RNF145: variants seen among roughly 807,000 people sequenced by gnomAD.
RNF145 encodes ring finger protein 145.
RNF145 carries 12 observed loss-of-function variants against 57.3 expected under a neutral mutation model. That is an observed-to-expected ratio of 0.21 (90% CI 0.13 to 0.34). The LOEUF (loss-of-function observed/expected upper bound fraction) is 0.34. Ranked by LOEUF, RNF145 falls within the 10% of genes least tolerant of loss-of-function variation. The pLI is 1.00. For synonymous variants in RNF145, 262 were observed against 288.3 expected (o/e 0.91, Z 0.92); for missense variants, 429 against 799.0 (o/e 0.54, Z 5.58).
Position 159,191,130 on chromosome 5 carries a change from G to C in RNF145, c.293+3586C>G, listed in dbSNP as rs1347749468. 4.0e-5 allele frequency among the ~76,000 whole-genome samples: 6 copies of C among 150,414 alleles called. No individual in the cohort carries two copies. In the East Asian group the frequency reaches 1.2e-3, roughly 29 times the overall value. ...TATCTCATGTTTTAAGAAAGTTCAC[G>C]AATTTTTGTTGGGCTGCATTCAAAG... is the stretch of plus-strand genomic sequence containing the variant. On this transcript the variant is annotated intron_variant, in intron 3 of 10. Coordinates refer to ENST00000424310, the MANE Select transcript of RNF145 (RefSeq NM_001199383.2).
Position 159,194,703 on chromosome 5 carries a change from G to A in RNF145, c.293+13C>T. Reference sequence around the variant, plus strand: ...TTCAATCATACATTTCAAAAATGGGGTCATATTCTTACCTGGAAATTTGAT... The same window carrying A: ...TTCAATCATACATTTCAAAAATGGGATCATATTCTTACCTGGAAATTTGAT... On this transcript the variant is annotated intron_variant, in intron 3 of 10. Coordinates refer to ENST00000424310, the MANE Select transcript of RNF145 (RefSeq NM_001199383.2). The A allele has an allele frequency of 2.0e-6, 3 of 1,466,356 alleles. No individual in the cohort carries two copies. Among genetic ancestry groups the A allele is most frequent in the South Asian group, 2.3e-5 (2 of 85,992 alleles). The allele number at this position is 1,466,356 out of a possible 1,614,324, so 90.8% of individuals were successfully genotyped here. A position where few individuals can be genotyped will look rare whatever the true frequency, so the allele number is the denominator to read the frequency against.
At chr5:159,187,650 G>C (rs1284198059) in intron 3 of RNF145, among the ~76,000 whole-genome samples, 1 of 152,104 alleles carries the variant, frequency 6.6e-6, no homozygotes, top group Non-Finnish European at 1.5e-5. Context: ...TCTTAACTGA[G>C]GACAGTTTTG....
chr5:159,162,181 C>G (rs1183865021), intron 9 of RNF145, among the ~76,000 whole-genome samples: 1 of 152,156 alleles, frequency 6.6e-6, no homozygotes, highest in Non-Finnish European at 1.5e-5. Context: ...GTGCAATACA[C>G]ACACATCATA....
rs1491155578 is a variant in RNF145 at position 159,159,047 on chromosome 5, GGA to G, written c.1627-14_1627-13del. ...GCAGATTTCATGTCCTAAAAGAGGG[GGA>G]AAAAAGATACCTTATAAATGTCTGT... is the stretch of plus-strand genomic sequence containing the variant. On this transcript the variant is annotated splice_polypyrimidine_tract_variant and intron_variant, in intron 10 of 10. Coordinates refer to ENST00000424310, the MANE Select transcript of RNF145 (RefSeq NM_001199383.2). The G allele has an allele frequency of 5.6e-6, 9 of 1,593,144 alleles. No individual in the cohort carries two copies. Among genetic ancestry groups the G allele is most frequent in the African/African-American group, 1.4e-5 (1 of 73,486 alleles).
intron 8 of RNF145, among the ~76,000 whole-genome samples, chr5:159,166,455 T>C (rs1784396287): frequency 6.6e-6 from 1 of 152,252 alleles, no homozygotes; most frequent in Non-Finnish European, 1.5e-5. Context: ...AATCTTTTCC[T>C]ACTCAAAAAT....
rs757852621 is a variant in RNF145, at chr5:159,207,943, T to C, written c.-40+1288A>G. 8 of 1,605,910 alleles carry C rather than the reference T, an allele frequency of 5.0e-6. No homozygotes were observed. In the East Asian group the frequency reaches 1.6e-4, roughly 31 times the overall value. On this transcript the variant is annotated intron_variant, in intron 1 of 10. Coordinates refer to ENST00000424310, the MANE Select transcript of RNF145 (RefSeq NM_001199383.2). ...GACTGCAGCACCGACAGCTCATTCT[T>C]TTGGGCATGATTCAAGATTCAGTAA... is the stretch of plus-strand genomic sequence containing the variant.
intron 1 of RNF145, among the ~76,000 whole-genome samples, chr5:159,204,046 T>C (rs1785771455): frequency 6.6e-6 from 1 of 152,216 alleles, no homozygotes. Flanking sequence ...ATTTTGAATA[T>C]TTACTCTATG....
chr5:159,158,255 T>C lies in RNF145; in HGVS notation c.*415A>G, dbSNP rs903515480. On this transcript the variant is annotated 3_prime_UTR_variant, in exon 11 of 11. Coordinates refer to ENST00000424310, the MANE Select transcript of RNF145 (RefSeq NM_001199383.2). ...TTGATAATGAGATTGATCTGTCCCA[T>C]GGAGAGTGAAAGTTCAGTTCCACTT... 9.5e-6 allele frequency: 2 copies of C among 211,440 alleles called. No individual in the cohort carries two copies. The highest frequency in any genetic ancestry group is 8.6e-5 in the South Asian group (1 of 11,650). The allele number at this position is 211,440 out of a possible 1,614,324, so 13.1% of individuals were successfully genotyped here. A position where few individuals can be genotyped will look rare whatever the true frequency, so the allele number is the denominator to read the frequency against.
At chr5:159,169,079 A>G in intron 7 of RNF145, 24 bp from the exon 8 acceptor site, 7 of 1,491,688 alleles carry the variant, frequency 4.7e-6, no homozygotes, top group Non-Finnish European at 6.3e-6. Context: ...ACATTTTCAG[A>G]AAACATAAAA....
chr5:159,196,927 G>T, intron 2 of RNF145, among the ~76,000 whole-genome samples: 1 of 152,068 alleles, frequency 6.6e-6, no homozygotes, highest in East Asian at 1.9e-4. Flanking sequence ...AAAATCAGCG[G>T]CCAAATCTTC....
chr5:159,187,341 T>G (rs1785106184), intron 3 of RNF145, among the ~76,000 whole-genome samples: 1 of 151,944 alleles, frequency 6.6e-6, no homozygotes, highest in Non-Finnish European at 1.5e-5. Flanking sequence ...AAAAAAAATT[T>G]TTTTTTGAGA....
At position 159,176,613 on chromosome 5, in the gene RNF145, T is replaced by C; in HGVS notation, c.621+19A>G. 1 of 1,323,316 alleles carries C rather than the reference T, an allele frequency of 7.6e-7. No homozygotes were observed. 82.0% of individuals were successfully genotyped at this position (1,323,316 alleles called of 1,614,324 possible). ...ATGTAGAATTTTATCTACCTGTTTGTGGTTGTCAGCAGTCTTACCTGAACC... is the reference window on the plus strand; with the variant it reads ...ATGTAGAATTTTATCTACCTGTTTGCGGTTGTCAGCAGTCTTACCTGAACC... On this transcript the variant is annotated intron_variant, in intron 5 of 10. Coordinates refer to ENST00000424310, the MANE Select transcript of RNF145 (RefSeq NM_001199383.2).
chr5:159,160,160 T>C (rs1212939494), intron 10 of RNF145, among the ~76,000 whole-genome samples: 1 of 151,992 alleles, frequency 6.6e-6, no homozygotes, highest in African/African-American at 2.4e-5. Flanking sequence ...TTGTCCTGAG[T>C]ACAATGAGGC....
Position 159,200,800 on chromosome 5 carries a change from G to A in RNF145, c.184+2634C>T, listed in dbSNP as rs547581975. Reference sequence around the variant, plus strand: ...AAAAAAGAATCTCACAGAAAAGTGGGCAGGGTATATAAACTGACAACTCTC... The same window carrying A: ...AAAAAAGAATCTCACAGAAAAGTGGACAGGGTATATAAACTGACAACTCTC... On this transcript the variant is annotated intron_variant, in intron 2 of 10. Coordinates refer to ENST00000424310, the MANE Select transcript of RNF145 (RefSeq NM_001199383.2). Among the ~76,000 whole-genome samples, 7 of 152,274 alleles carry A rather than the reference G, an allele frequency of 4.6e-5. No homozygotes were observed. In the South Asian group the frequency reaches 1.4e-3, roughly 32 times the overall value.
intron 4 of RNF145, among the ~76,000 whole-genome samples, chr5:159,181,647 G>A (rs1002219226): frequency 1.3e-5 from 2 of 151,744 alleles, no homozygotes; most frequent in Non-Finnish European, 2.9e-5. Flanking sequence ...AAGATACTAC[G>A]TGTTTCATTT....
At chr5:159,174,973 G>A (rs1172178670) in intron 5 of RNF145, among the ~76,000 whole-genome samples, 1 of 152,130 alleles carries the variant, frequency 6.6e-6, no homozygotes, top group East Asian at 1.9e-4. Context: ...CAGGAATTCT[G>A]CTGGACAGCT....
intron 9 of RNF145, among the ~76,000 whole-genome samples, chr5:159,162,234 G>C (rs1253649001): frequency 1.3e-5 from 2 of 151,956 alleles, no homozygotes; most frequent in Non-Finnish European, 2.9e-5. Context: ...TGGTATTTTT[G>C]AGTGGAATTT....
intron 3 of RNF145, among the ~76,000 whole-genome samples, chr5:159,190,567 T>C (rs1401760923): frequency 6.6e-6 from 1 of 151,454 alleles, no homozygotes. Flanking sequence ...GGCGTACACC[T>C]GTAGTCCCAG....
rs190174446 is a variant in RNF145, at chr5:159,167,881, T to C, written c.1121+992A>G. On this transcript the variant is annotated intron_variant, in intron 8 of 10. Transcript: ENST00000424310. ...CAAAGATGAATCTGATGTACTATAA[T>C]TAAAATGTTAATTTGGAATGTTTTA... Among the ~76,000 whole-genome samples the C allele has an allele frequency of 6.6e-5, 10 of 152,306 alleles. No homozygotes were observed. In the East Asian group the frequency reaches 1.7e-3, roughly 26 times the overall value.
Sources: allele counts gnomAD v4.1 joint callset (sites outside exome capture counted in the v4.1 genomes callset), GRCh38; gene constraint gnomAD v4.1.1; transcripts MANE v1.5; gene names NCBI Gene and HGNC (gene_info 2026-07-23, HGNC 2026-07-21).